SP4: variants seen among roughly 807,000 people sequenced by gnomAD.
The protein encoded by SP4 is Sp4 transcription factor, also known as transcription factor Sp4.
A neutral mutation model predicts 72.8 loss-of-function variants in SP4; 19 were observed. The observed-to-expected ratio is 0.26, with a 90% confidence interval of 0.18 to 0.38. SP4 has a LOEUF of 0.38. SP4 is among the 10% of genes least tolerant of loss of function. The pLI is 1.00. For synonymous variants in SP4, 395 were observed against 333.1 expected (o/e 1.19, Z -2.02); for missense variants, 1,008 against 926.3 (o/e 1.09, Z -1.14).
At chr7:21,510,876 A>G in intron 5 of SP4, 146 bp from the exon 6 acceptor site, 2 of 715,214 alleles carry the variant, frequency 2.8e-6, no homozygotes, top group Non-Finnish European at 2.2e-6. Context: ...TGTGTATTTG[A>G]TAACGTTTTT....
At chr7:21,428,296 C>T in intron 1 of SP4, 38 bp downstream of exon 1, 2 of 1,144,816 alleles carry the variant, frequency 1.7e-6, no homozygotes, top group Non-Finnish European at 1.3e-6. Context: ...CCTTCGCCGC[C>T]TCCCTCTCTC....
intron 5 of SP4, among the ~76,000 whole-genome samples, chr7:21,503,023 T>C (rs1400520794): frequency 1.3e-5 from 2 of 152,060 alleles, no homozygotes; most frequent in Non-Finnish European, 2.9e-5. Context: ...TCGAGTATAG[T>C]GAGTCCACCT....
At chr7:21,463,205 T>C (rs1458872211) in intron 3 of SP4, among the ~76,000 whole-genome samples, 1 of 151,986 alleles carries the variant, frequency 6.6e-6, no homozygotes, top group African/African-American at 2.4e-5. Context: ...ATAAAGATAC[T>C]TTTGGGTGAC....
At chr7:21,435,934 G>T (rs541015082) in intron 3 of SP4, among the ~76,000 whole-genome samples, 9 of 151,840 alleles carry the variant, frequency 5.9e-5, no homozygotes, top group Non-Finnish European at 2.9e-5. Context: ...ATGGAGTCTC[G>T]TTCTGTCGCC....
intron 3 of SP4, among the ~76,000 whole-genome samples, chr7:21,439,751 A>G (rs1371037698): frequency 6.6e-6 from 1 of 151,818 alleles, no homozygotes; most frequent in African/African-American, 2.4e-5. Context: ...GTAAAAAATC[A>G]GCTGGATGTG....
At chr7:21,445,982 ATGTGTATGTGTGTG>A (rs1297898965) in intron 3 of SP4, among the ~76,000 whole-genome samples, 42 of 100,928 alleles carry the variant, frequency 4.2e-4, no homozygotes, top group Middle Eastern at 4.4e-3. Flanking sequence ...TGTGTATCTT[ATGTGTATGTGTGTG>A]TGTGTGTGTG....
chr7:21,502,581 G>A (rs977204879), intron 5 of SP4, among the ~76,000 whole-genome samples: 50 of 152,012 alleles, frequency 3.3e-4, no homozygotes, highest in African/African-American at 1.1e-3. Flanking sequence ...AGGTCCTCCC[G>A]CAGCACATGC....
chr7:21,494,196 AC>A (rs1380877780), intron 5 of SP4, among the ~76,000 whole-genome samples: 1 of 152,180 alleles, frequency 6.6e-6, no homozygotes, highest in East Asian at 1.9e-4. Flanking sequence ...ATGATGAAGG[AC>A]CTTTTGCTTC....
chr7:21,449,392 T>C (rs1201204187), intron 3 of SP4, among the ~76,000 whole-genome samples: 3 of 152,236 alleles, frequency 2.0e-5, no homozygotes, highest in East Asian at 3.8e-4. Context: ...TAATACACTA[T>C]CTTTTAAAAC....
chr7:21,435,427 T>A (rs1783017201), intron 3 of SP4, among the ~76,000 whole-genome samples: 1 of 152,106 alleles, frequency 6.6e-6, no homozygotes, highest in Non-Finnish European at 1.5e-5. Context: ...AAATTTATAT[T>A]TAATTTTAAA....
In SP4 at chr7:21,444,909, C is replaced by T. The variant is rs1055597390; in HGVS notation, c.1678+14066C>T. ...ATTTTATTGTAATTACTGTAATATGCTCAATAAGAAACAGATTCCTAGATC... is the reference window on the plus strand; with the variant it reads ...ATTTTATTGTAATTACTGTAATATGTTCAATAAGAAACAGATTCCTAGATC... On this transcript the variant is annotated intron_variant, in intron 3 of 5. Coordinates refer to ENST00000222584, the MANE Select transcript of SP4 (RefSeq NM_003112.5). Among the ~76,000 whole-genome samples the T allele has an allele frequency of 2.6e-5, 4 of 152,120 alleles. No individual in the cohort carries two copies. The South Asian group carries it at 8.3e-4, about 31-fold the overall frequency.
intron 3 of SP4, among the ~76,000 whole-genome samples, chr7:21,449,500 C>G (rs1033410284): frequency 6.6e-6 from 1 of 151,928 alleles, no homozygotes; most frequent in African/African-American, 2.4e-5. Context: ...TTGGAAGTAA[C>G]TTGAAGAGAT....
At chr7:21,440,968 TACTA>T (rs1783226742) in intron 3 of SP4, among the ~76,000 whole-genome samples, 1 of 152,232 alleles carries the variant, frequency 6.6e-6, no homozygotes, top group African/African-American at 2.4e-5. Flanking sequence ...GTTCTGAAGA[TACTA>T]ACTAAACCTG....
Position 21,514,228 on chromosome 7 carries a change from G to A in SP4, c.*2959G>A, listed in dbSNP as rs1050680686. 6.6e-6 allele frequency: 1 copy of A among 152,538 alleles called. No homozygotes were observed. Among genetic ancestry groups the A allele is most frequent in the Admixed American group, 6.6e-5 (1 of 15,260 alleles). The allele number at this position is 152,538 out of a possible 1,614,324, so 9.4% of individuals were successfully genotyped here. ...CTCATGAGAGCAGTAATAAAAGTGT[G>A]TAATCTAGGAGAAAAAGTTAATTTG... On this transcript the variant is annotated 3_prime_UTR_variant, in exon 6 of 6. Coordinates refer to ENST00000222584, the MANE Select transcript of SP4 (RefSeq NM_003112.5).
chr7:21,495,046 T>A (rs967842618), intron 5 of SP4, among the ~76,000 whole-genome samples: 2 of 152,182 alleles, frequency 1.3e-5, no homozygotes, highest in African/African-American at 4.8e-5. Context: ...GCAAAACCTT[T>A]AACCTACATA....
At chr7:21,463,981 T>A (rs1250123978) in intron 3 of SP4, among the ~76,000 whole-genome samples, 1 of 152,228 alleles carries the variant, frequency 6.6e-6, no homozygotes, top group Non-Finnish European at 1.5e-5. Flanking sequence ...GAAATCATGT[T>A]ACTTTAGTGG....
chr7:21,440,759 A>G (rs117064758), intron 3 of SP4, among the ~76,000 whole-genome samples: 2,078 of 152,250 alleles, frequency 0.014, 45 homozygotes, highest in East Asian at 0.077. Flanking sequence ...CCGAGGTGGG[A>G]GAATTGCATG....
chr7:21,472,784 GA>G lies in SP4; in HGVS notation c.1679-4285del, dbSNP rs552813017. ...GAGACCCCCATCTCTTAAAAAAAAA[GA>G]AAAAAAAAAGCAACCAAACAAAAAG... On this transcript the variant is annotated intron_variant, in intron 3 of 5. Coordinates refer to ENST00000222584, the MANE Select transcript of SP4 (RefSeq NM_003112.5). Among the ~76,000 whole-genome samples the G allele has an allele frequency of 2.1e-3, 302 of 142,336 alleles. 2 individuals carry two copies. The highest frequency in any genetic ancestry group is 7.7e-3 in the African/African-American group (282 of 36,852). The allele number at this position is 142,336 out of a possible 152,430, so 93.4% of individuals were successfully genotyped here.
At position 21,474,617 on chromosome 7, in the gene SP4, T is replaced by C. The variant is rs370580313; in HGVS notation, c.1679-2462T>C. Reference sequence around the variant, plus strand: ...TGTTTATGTATTGCTTTATAATTTATATAGCCTTTACCCCTGGAAAATCAA... The same window carrying C: ...TGTTTATGTATTGCTTTATAATTTACATAGCCTTTACCCCTGGAAAATCAA... On this transcript the variant is annotated intron_variant, in intron 3 of 5. Coordinates refer to ENST00000222584, the MANE Select transcript of SP4 (RefSeq NM_003112.5). 1.1e-3 allele frequency among the ~76,000 whole-genome samples: 165 copies of C among 152,368 alleles called. 1 individual carries two copies. The highest frequency in any genetic ancestry group is 3.8e-3 in the African/African-American group (160 of 41,576).
Sources: allele counts gnomAD v4.1 joint callset (sites outside exome capture counted in the v4.1 genomes callset), GRCh38; gene constraint gnomAD v4.1.1; transcripts MANE v1.5; gene names NCBI Gene and HGNC (gene_info 2026-07-23, HGNC 2026-07-21).